PDE7B: variants seen among roughly 807,000 people sequenced by gnomAD.
The protein encoded by PDE7B is 3',5'-cyclic-AMP phosphodiesterase 7B.
In PDE7B, 29 loss-of-function variants were observed where a neutral mutation model predicts 56.2. The ratio of observed to expected loss-of-function variants is 0.52; its 90% CI spans 0.38 to 0.70. The LOEUF (loss-of-function observed/expected upper bound fraction) is 0.70, where lower values mean the gene tolerates loss of function less well. Ranked by LOEUF, PDE7B falls within the 30% of genes least tolerant of loss-of-function variation. The probability of loss-of-function intolerance (pLI) is 0.00; values close to 1 mark genes in which losing one functional copy is unlikely to be tolerated. For synonymous variants in PDE7B, 197 were observed against 196.9 expected (o/e 1.00, Z 0.00); for missense variants, 490 against 565.0 (o/e 0.87, Z 1.35).
intron 1 of PDE7B, among the ~76,000 whole-genome samples, chr6:135,895,130 TA>T (rs369897194): frequency 0.025 from 3,672 of 146,664 alleles, 71 homozygotes; most frequent in South Asian, 0.067. Flanking sequence ...TGTGATGAAA[TA>T]AAAAAAAAAG....
chr6:136,127,655 G>A (rs1289096969), intron 3 of PDE7B, among the ~76,000 whole-genome samples: 1 of 152,148 alleles, frequency 6.6e-6, no homozygotes, highest in Non-Finnish European at 1.5e-5. Flanking sequence ...TCAAGAGTTA[G>A]GGGCTCCTGA....
At chr6:136,154,024 TA>T (rs942064583) in intron 6 of PDE7B, 50 bp from the exon 7 acceptor site, 2 of 1,216,866 alleles carry the variant, frequency 1.6e-6, no homozygotes, top group African/African-American at 1.5e-5. Context: ...TAAGCTAGTA[TA>T]CCACTCCTAT....
intron 10 of PDE7B, among the ~76,000 whole-genome samples, chr6:136,180,398 A>C (rs547717082): frequency 6.6e-6 from 1 of 152,294 alleles, no homozygotes; most frequent in South Asian, 2.1e-4. Context: ...AGGCTGGAGG[A>C]GGCTTCTCTG....
Position 136,158,940 on chromosome 6 carries a change from A to C in PDE7B, c.711+3182A>C, listed in dbSNP as rs867805964. 2.6e-5 allele frequency among the ~76,000 whole-genome samples: 4 copies of C among 152,352 alleles called. No homozygotes were observed. In the South Asian group the frequency reaches 8.3e-4, roughly 32 times the overall value. ...CAACGTTGGTGATTATAAATTGTAA[A>C]GGAATAACTTTCAGTTCAATTTTAA... is the stretch of plus-strand genomic sequence containing the variant. On this transcript the variant is annotated intron_variant, in intron 8 of 12. Coordinates refer to ENST00000308191, the MANE Select transcript of PDE7B (RefSeq NM_018945.4).
intron 11 of PDE7B, among the ~76,000 whole-genome samples, chr6:136,183,247 A>T (rs1779095264): frequency 6.6e-6 from 1 of 152,056 alleles, no homozygotes; most frequent in Admixed American, 6.6e-5. Context: ...AAGTATATCT[A>T]GTCCTTTTTA....
At position 136,108,754 on chromosome 6, in the gene PDE7B, A is replaced by ACGGGGGTT; in HGVS notation, c.109_116dup (p.Ala40GlyfsTer33). 1.2e-6 allele frequency: 2 copies of ACGGGGGTT among 1,611,462 alleles called. No individual in the cohort carries two copies. The highest frequency in any genetic ancestry group is 1.7e-6 in the Non-Finnish European group (2 of 1,177,626). ...AGGAGATATACGACTAAGGGGTCAG[A>ACGGGGGTT]CGGGGGTTCGTGCTGAACGCCGTGG... is the stretch of plus-strand genomic sequence containing the variant. On this transcript the variant is annotated frameshift_variant, in exon 3 of 13. Transcript: ENST00000308191. LOFTEE classifies it high-confidence loss of function.
At chr6:135,889,457 T>TTTTTG (rs1217063197) in intron 1 of PDE7B, among the ~76,000 whole-genome samples, 2 of 146,504 alleles carry the variant, frequency 1.4e-5, no homozygotes, top group African/African-American at 5.1e-5. Context: ...TTTTTTTTTT[T>TTTTTG]TTTTTGAGAT....
chr6:136,001,080 A>T (rs1008981646), intron 2 of PDE7B, among the ~76,000 whole-genome samples: 1 of 152,260 alleles, frequency 6.6e-6, no homozygotes, highest in Non-Finnish European at 1.5e-5. Context: ...GCTGATATCC[A>T]GGCAAACAGA....
intron 2 of PDE7B, chr6:136,098,119 C>T (rs1342316982): frequency 8.1e-6 from 1 of 123,470 alleles, no homozygotes; most frequent in Non-Finnish European, 1.6e-5. Flanking sequence ...CACAATATAA[C>T]TCTCTTTAGT....
intron 2 of PDE7B, 92 bp from the exon 3 acceptor site, chr6:136,108,639 A>G (rs1201557386): frequency 3.7e-6 from 3 of 821,904 alleles, no homozygotes; most frequent in Non-Finnish European, 6.5e-6. Context: ...TTCTCCTGAC[A>G]TCTGGGGTTG....
chr6:135,957,170 C>T (rs1420752167), intron 2 of PDE7B, among the ~76,000 whole-genome samples: 1 of 152,052 alleles, frequency 6.6e-6, no homozygotes, highest in East Asian at 1.9e-4. Context: ...CCAGGCAGAG[C>T]TGGAAGAGTT....
intron 3 of PDE7B, among the ~76,000 whole-genome samples, chr6:136,143,633 A>G (rs1193853578): frequency 3.3e-5 from 5 of 152,130 alleles, no homozygotes; most frequent in Non-Finnish European, 5.9e-5. Flanking sequence ...AAAAATAGGT[A>G]AGGAATCATG....
At chr6:136,136,722 A>C (rs767334470) in intron 3 of PDE7B, among the ~76,000 whole-genome samples, 1 of 152,052 alleles carries the variant, frequency 6.6e-6, no homozygotes, top group African/African-American at 2.4e-5. Context: ...AATTAAAAAT[A>C]AAACAATTAT....
chr6:136,184,192 T>C (rs1240674066), intron 11 of PDE7B, among the ~76,000 whole-genome samples: 1 of 152,230 alleles, frequency 6.6e-6, no homozygotes, highest in African/African-American at 2.4e-5. Context: ...AAGTACTAAT[T>C]AGTATAGTTT....
chr6:135,866,479 T>C (rs1438547738), intron 1 of PDE7B, among the ~76,000 whole-genome samples: 1 of 152,156 alleles, frequency 6.6e-6, no homozygotes, highest in Non-Finnish European at 1.5e-5. Context: ...AGTAGTACTT[T>C]AACAAAGTAT....
intron 2 of PDE7B, among the ~76,000 whole-genome samples, chr6:136,017,382 T>G (rs576926062): frequency 1.3e-5 from 2 of 152,292 alleles, no homozygotes; most frequent in South Asian, 4.1e-4. Flanking sequence ...AGGGTACATG[T>G]GCACAACGTG....
At chr6:135,962,174 G>T (rs778697142) in intron 2 of PDE7B, among the ~76,000 whole-genome samples, 1 of 152,138 alleles carries the variant, frequency 6.6e-6, no homozygotes, top group Non-Finnish European at 1.5e-5. Context: ...AAAAATAATA[G>T]TTAAGGCATC....
At chr6:135,935,192 A>ATATT (rs1562445452) in intron 1 of PDE7B, among the ~76,000 whole-genome samples, 2 of 72,470 alleles carry the variant, frequency 2.8e-5, no homozygotes, top group African/African-American at 1.8e-4. Flanking sequence ...ATATTTATTT[A>ATATT]TATATATATA....
intron 1 of PDE7B, among the ~76,000 whole-genome samples, chr6:135,857,162 T>C (rs1173774144): frequency 6.6e-6 from 1 of 151,966 alleles, no homozygotes; most frequent in Non-Finnish European, 1.5e-5. Flanking sequence ...AGATTGGTAA[T>C]GAGGTTTTGA....
Sources: gnomAD v4.1 joint callset for allele counts (sites outside exome capture counted in the v4.1 genomes callset) on GRCh38, gnomAD v4.1.1 for gene constraint, MANE v1.5 for transcripts, NCBI Gene and HGNC (gene_info 2026-07-23, HGNC 2026-07-21) for gene names.